SVOP: variants seen among roughly 807,000 people sequenced by gnomAD.
The protein encoded by SVOP is SV2 related protein, also known as synaptic vesicle 2-related protein.
SVOP carries 17 observed loss-of-function variants against 69.1 expected under a neutral mutation model. The observed-to-expected ratio is 0.25, with a 90% CI of 0.17 to 0.37. The LOEUF is 0.37. Among genes scored for constraint, SVOP ranks in the 10% least tolerant of loss-of-function variants. The probability of loss-of-function intolerance (pLI) is 1.00; values close to 1 mark genes in which losing one functional copy is unlikely to be tolerated. For synonymous variants in SVOP, 238 were observed against 238.6 expected (o/e 1.00, Z 0.02); for missense variants, 435 against 597.5 (o/e 0.73, Z 2.84).
intron 2 of SVOP, among the ~76,000 whole-genome samples, chr12:108,980,624 C>T: frequency 7.4e-6 from 1 of 134,686 alleles, no homozygotes; most frequent in Middle Eastern, 3.9e-3. Flanking sequence ...GTGGCGGGCG[C>T]CTGTAGTCCC....
chr12:108,929,300 TTTAGTTAG>T (rs200245336), intron 11 of SVOP, among the ~76,000 whole-genome samples: 5 of 152,208 alleles, frequency 3.3e-5, no homozygotes, highest in Admixed American at 2.6e-4. Context: ...TATTTATTTA[TTTAGTTAG>T]TTAGTTAGTT....
chr12:108,961,493 G>A (rs989363788), intron 5 of SVOP, among the ~76,000 whole-genome samples: 1 of 150,376 alleles, frequency 6.6e-6, no homozygotes, highest in South Asian at 2.1e-4. Context: ...CAACTTTCAG[G>A]TAAGTCAAAA....
At chr12:108,940,050 G>T (rs960310241) in intron 8 of SVOP, among the ~76,000 whole-genome samples, 1 of 152,232 alleles carries the variant, frequency 6.6e-6, no homozygotes, top group East Asian at 1.9e-4. Flanking sequence ...CTGAACTTGT[G>T]GGCTTTATTT....
chr12:108,912,456 ACAAT>A lies in SVOP; in HGVS notation c.*75_*78del. On this transcript the variant is annotated 3_prime_UTR_variant, in exon 16 of 16. Coordinates refer to ENST00000610966, the MANE Select transcript of SVOP (RefSeq NM_018711.5). ...GGGTGAGTTCTTGATGTCGGCAGTG[ACAAT>A]CAGTGCCCCAGTTGGGGCCTGCCAG... 1.3e-6 allele frequency: 2 copies of A among 1,595,306 alleles called. No individual in the cohort carries two copies. The highest frequency in any genetic ancestry group is 1.7e-6 in the Non-Finnish European group (2 of 1,168,076).
At chr12:108,993,657 T>G (rs1376943538) in intron 1 of SVOP, among the ~76,000 whole-genome samples, 2 of 152,134 alleles carry the variant, frequency 1.3e-5, no homozygotes, top group Non-Finnish European at 2.9e-5. Context: ...TAAAATAAAC[T>G]GGGTGCTGTG....
chr12:109,021,034 CAA>C lies in SVOP; in HGVS notation c.-168_-167del. On this transcript the variant is annotated 5_prime_UTR_variant, in exon 1 of 16. Coordinates refer to ENST00000610966, the MANE Select transcript of SVOP (RefSeq NM_018711.5). ...AGCCGCTGGGGACCAGCCCACGAGA[CAA>C]AGCCTCCGCCGCCAGGAGACCGCGG... 1 of 548,394 alleles carries C rather than the reference CAA, an allele frequency of 1.8e-6. No individual in the cohort carries two copies. The highest frequency in any genetic ancestry group is 3.3e-6 in the Non-Finnish European group (1 of 306,834). The allele number at this position is 548,394 out of a possible 1,614,324, so 34.0% of individuals were successfully genotyped here. A position where few individuals can be genotyped will look rare whatever the true frequency, so the allele number is the denominator to read the frequency against.
chr12:108,982,518 T>G (rs1300024231), intron 2 of SVOP, among the ~76,000 whole-genome samples: 2 of 150,444 alleles, frequency 1.3e-5, no homozygotes, highest in Non-Finnish European at 3.0e-5. Flanking sequence ...ATCACCATCA[T>G]CACCACCACC....
At chr12:108,954,359 A>G (rs745354263) in intron 6 of SVOP, among the ~76,000 whole-genome samples, 4 of 152,192 alleles carry the variant, frequency 2.6e-5, no homozygotes, top group Non-Finnish European at 5.9e-5. Flanking sequence ...CTGGAATGTA[A>G]TGATAGCTCA....
In SVOP at chr12:108,938,694, T is replaced by A. The variant is rs189815486; in HGVS notation, c.897+133A>T. On this transcript the variant is annotated intron_variant, in intron 9 of 15. Coordinates refer to ENST00000610966, the MANE Select transcript of SVOP (RefSeq NM_018711.5). The stretch of plus-strand genomic sequence containing the variant: ...CTACTGGGCCCTCATCTGCTCCATG[T>A]GCACGCACACACCCCACCTTGGGTA... The A allele has an allele frequency of 2.1e-6, 3 of 1,441,372 alleles. No homozygotes were observed. The Admixed American group carries it at 5.5e-5, about 26-fold the overall frequency. 89.3% of individuals were successfully genotyped at this position (1,441,372 alleles called of 1,614,324 possible).
At chr12:109,004,354 T>C (rs1252330651) in intron 1 of SVOP, among the ~76,000 whole-genome samples, 2 of 151,582 alleles carry the variant, frequency 1.3e-5, no homozygotes, top group Non-Finnish European at 2.9e-5. Flanking sequence ...TGTACCACCA[T>C]AGAATTTTCC....
At position 108,909,739 on chromosome 12, in the gene SVOP, C is replaced by T. The variant is rs2039668933; in HGVS notation, c.*2796G>A. 6.6e-6 allele frequency: 1 copy of T among 152,160 alleles called. No individual in the cohort carries two copies. Among genetic ancestry groups the T allele is most frequent in the Admixed American group, 6.6e-5 (1 of 15,262 alleles). 9.4% of individuals were successfully genotyped at this position (152,160 alleles called of 1,614,324 possible). On this transcript the variant is annotated 3_prime_UTR_variant, in exon 16 of 16. Coordinates refer to ENST00000610966, the MANE Select transcript of SVOP (RefSeq NM_018711.5). ...TGGCTACATTAAATATCTTTTGCCA[C>T]TTTCTGAGATCTTTCGTAACTCTAA...
intron 5 of SVOP, among the ~76,000 whole-genome samples, chr12:108,969,555 G>A (rs1383238640): frequency 6.6e-6 from 1 of 151,310 alleles, no homozygotes; most frequent in East Asian, 2.0e-4. Context: ...TCGAACTTCT[G>A]ACCTCAGGTC....
In SVOP at chr12:108,938,965, G is replaced by C. The variant is rs552479794; in HGVS notation, c.769-10C>G. 1.6e-4 allele frequency: 259 copies of C among 1,613,890 alleles called. 5 individuals are homozygous for C. In the South Asian group the frequency reaches 2.3e-3, roughly 14 times the overall value. ...CACTTTCAGGCAGCCACTGGGATGG[G>C]GGAGACAGGAAACCCAGGCGTGGCT... On this transcript the variant is annotated splice_polypyrimidine_tract_variant and intron_variant, in intron 8 of 15. Coordinates refer to ENST00000610966, the MANE Select transcript of SVOP (RefSeq NM_018711.5).
intron 1 of SVOP, among the ~76,000 whole-genome samples, chr12:109,011,145 C>A (rs149818773): frequency 0.025 from 3,846 of 151,834 alleles, 152 homozygotes; most frequent in African/African-American, 0.088. Flanking sequence ...GAACTCCTGA[C>A]CTCAAGCGAT....
chr12:108,975,211 A>G, intron 4 of SVOP, among the ~76,000 whole-genome samples: 1 of 152,208 alleles, frequency 6.6e-6, no homozygotes, highest in South Asian at 2.1e-4. Flanking sequence ...TGGCACAGCA[A>G]AGCACTGCTT....
At chr12:108,997,952 C>A (rs1327471582) in intron 1 of SVOP, among the ~76,000 whole-genome samples, 2 of 149,428 alleles carry the variant, frequency 1.3e-5, no homozygotes, top group African/African-American at 5.0e-5. Context: ...CGGAACAAAG[C>A]TGGATGGAGA....
At chr12:108,948,749 G>A (rs1480283550) in intron 6 of SVOP, among the ~76,000 whole-genome samples, 1 of 152,106 alleles carries the variant, frequency 6.6e-6, no homozygotes, top group African/African-American at 2.4e-5. Context: ...TCTCCAAAAA[G>A]TTGTTCCAAT....
chr12:108,970,885 T>C (rs1284859916), intron 5 of SVOP, among the ~76,000 whole-genome samples: 1 of 151,618 alleles, frequency 6.6e-6, no homozygotes, highest in African/African-American at 2.4e-5. Context: ...CTGGGCATGG[T>C]GGCACAAGTC....
intron 7 of SVOP, among the ~76,000 whole-genome samples, chr12:108,942,637 G>C (rs1453124421): frequency 6.6e-6 from 1 of 152,246 alleles, no homozygotes; most frequent in African/African-American, 2.4e-5. Flanking sequence ...GAGGGTCCTA[G>C]CTCCTGTCCA....
Sources: allele counts gnomAD v4.1 joint callset (sites outside exome capture counted in the v4.1 genomes callset), GRCh38; gene constraint gnomAD v4.1.1; transcripts MANE v1.5; gene names NCBI Gene and HGNC (gene_info 2026-07-23, HGNC 2026-07-21).